Variants in PRX observed in about 807,000 individuals in gnomAD.
PRX encodes the protein periaxin.
Under a neutral mutation model 29.6 loss-of-function variants are expected in PRX, and 24 were observed. The observed-to-expected ratio is 0.81, with a 90% CI of 0.59 to 1.14. PRX has a LOEUF of 1.14. Among genes scored for constraint, PRX ranks in the 50% most tolerant of loss-of-function variants. The pLI, the probability that PRX is intolerant of heterozygous loss-of-function variation, is 0.00. For synonymous variants in PRX, 772 were observed against 831.7 expected (o/e 0.93, Z 1.24); for missense variants, 1,838 against 1,926.4 (o/e 0.95, Z 0.86).
chr19:40,406,465 A>G (rs572094770), intron 4 of PRX, among the ~76,000 whole-genome samples: 1 of 152,202 alleles, frequency 6.6e-6, no homozygotes, highest in South Asian at 2.1e-4. Flanking sequence ...TGACTTGCCT[A>G]ATGCCCTGTA....
chr19:40,397,824 C>T lies in PRX; in HGVS notation c.528G>A (p.Lys176=). 2 of 1,592,384 alleles carry T rather than the reference C, an allele frequency of 1.3e-6. No individual in the cohort carries two copies. The highest frequency in any genetic ancestry group is 1.7e-6 in the Non-Finnish European group (2 of 1,170,538). ...GGGCAGGGGCAGCCGGGACAGGACC[C>T]TTGACAGCCTCGGCTTTGAGGCCCC... ...LRRGLKAEAV[K]GPVPAAPARR... Residue 176 remains lysine (K), a synonymous_variant, in exon 7 of 7, where the codon AAG becomes AAA. Transcript: ENST00000324001.
chr19:40,405,973 G>A (rs1269374454), intron 4 of PRX, among the ~76,000 whole-genome samples: 3 of 150,938 alleles, frequency 2.0e-5, no homozygotes, highest in Non-Finnish European at 3.0e-5. Context: ...CAGGCCAGGC[G>A]CGGTAGCTCA....
Position 40,394,135 on chromosome 19 carries a change from TTC to T in PRX, c.4215_4216del (p.Lys1406ValfsTer81). On this transcript the variant is annotated frameshift_variant, in exon 7 of 7. Coordinates refer to ENST00000324001, the MANE Select transcript of PRX (RefSeq NM_181882.3). LOFTEE classifies it high-confidence loss of function. This position sits in a 1 kb window ranked among gnomAD's most constrained non-coding sequence, Gnocchi z 5.8. Reference sequence around the variant, plus strand: ...CCTGGGGAAGCGGAACTTGGGTGACTTCTCTCTGACGGGGGACTTGGGGGCTG... The same window carrying T: ...CCTGGGGAAGCGGAACTTGGGTGACTTCTCTGACGGGGGACTTGGGGGCTG... The T allele has an allele frequency of 6.3e-7, 1 of 1,599,354 alleles. No individual in the cohort carries two copies. The highest frequency in any genetic ancestry group is 8.5e-7 in the Non-Finnish European group (1 of 1,170,134).
At position 40,397,969 on chromosome 19, in the gene PRX, T is replaced by G; in HGVS notation, c.383A>C (p.Asn128Thr). The G allele has an allele frequency of 6.2e-7, 1 of 1,608,636 alleles. No individual in the cohort carries two copies. The highest frequency in any genetic ancestry group is 8.5e-7 in the Non-Finnish European group (1 of 1,177,782). Residue 128 changes from asparagine to threonine, a missense_variant and splice_region_variant, in exon 7 of 7, where the codon AAC (asparagine) becomes ACC (threonine). Coordinates refer to ENST00000324001, the MANE Select transcript of PRX (RefSeq NM_181882.3). The part of the protein sequence containing the change: ...KGPRAKVAKL[N>T]IQSLSPVKKK... The stretch of plus-strand genomic sequence containing the variant: ...CTTCACAGGGGACAGACTCTGGATG[T>G]TCTGGGGAGAGAGGAGAGAGGCAGG...
Position 40,398,253 on chromosome 19 carries a change from G to A in PRX, c.382-283C>T. 1 of 1,414,682 alleles carries A rather than the reference G, an allele frequency of 7.1e-7. No individual in the cohort carries two copies. Among genetic ancestry groups the A allele is most frequent in the Non-Finnish European group, 9.2e-7 (1 of 1,089,008 alleles). The allele number at this position is 1,414,682 out of a possible 1,614,324, so 87.6% of individuals were successfully genotyped here. A position where few individuals can be genotyped will look rare whatever the true frequency, so the allele number is the denominator to read the frequency against. On this transcript the variant is annotated intron_variant, in intron 6 of 6. Transcript: ENST00000324001. The surrounding 1 kb of genome is among the most constrained non-coding windows in gnomAD (Gnocchi z 6.3). ...TCCCCAACATCCTCATTCTAGAGAT[G>A]GGGAAACTGAGGCCCAGGGAGAGAA...
In PRX at chr19:40,395,098, T is replaced by G. The variant is rs1306829992; in HGVS notation, c.3254A>C (p.Glu1085Ala). 4 of 1,613,606 alleles carry G rather than the reference T, an allele frequency of 2.5e-6. No homozygotes were observed. The highest frequency in any genetic ancestry group is 3.4e-6 in the Non-Finnish European group (4 of 1,179,968). Residue 1085 changes from glutamate (E) to alanine (A), a missense_variant, in exon 7 of 7, where the codon GAA (glutamate) becomes GCA (alanine). By Grantham distance (107) the Glu-to-Ala change is moderately radical. Transcript: ENST00000324001. ...CTGCACAGCGGTGGACTCAGCCTTT[T>G]CCCCCGGGCTGGCACGATCACCTTG... The part of the protein sequence containing the change: ...EVQGDRASPG[E>A]KAESTAVQLK...
Position 40,396,504 on chromosome 19 carries a change from C to G in PRX, c.1848G>C (p.Val616=), listed in dbSNP as rs1278318808. 6.2e-7 allele frequency: 1 copy of G among 1,613,984 alleles called. No homozygotes were observed. Among genetic ancestry groups the G allele is most frequent in the African/African-American group, 1.3e-5 (1 of 75,004 alleles). The stretch of plus-strand genomic sequence containing the variant: ...TTGGAAGCTGCACTTCTGGGAGGTG[C>G]ACATCGGGCACGGCCATCTCGGGCA... ...PKVPEMAVPD[V]HLPEVQLPKV... Residue 616 remains valine (V), a synonymous_variant, in exon 7 of 7, where the codon GTG becomes GTC. Transcript: ENST00000324001.
In PRX at chr19:40,398,801, C is replaced by CT. The variant is rs1385377884; in HGVS notation, c.199dup (p.Ser67LysfsTer84). 1 of 1,613,974 alleles carries CT rather than the reference C, an allele frequency of 6.2e-7. No individual in the cohort carries two copies. Among genetic ancestry groups the CT allele is most frequent in the Non-Finnish European group, 8.5e-7 (1 of 1,179,970 alleles). ...GAAGTTCTCGAAGAACACTCGGGCA[C>CT]TCAGCAGCTGGTCCCCTGCGGGCGA... On this transcript the variant is annotated frameshift_variant, in exon 6 of 7. Transcript: ENST00000324001. LOFTEE classifies it high-confidence loss of function. The surrounding 1 kb of genome is among the most constrained non-coding windows in gnomAD (Gnocchi z 6.3).
chr19:40,399,716 C>A (rs1480678014), intron 5 of PRX, among the ~76,000 whole-genome samples: 1 of 152,116 alleles, frequency 6.6e-6, no homozygotes, highest in Non-Finnish European at 1.5e-5. Context: ...TCCCTGATTT[C>A]TTTCTTTCTT....
chr19:40,412,987 A>G (rs1430868626), intron 1 of PRX, among the ~76,000 whole-genome samples: 1 of 152,138 alleles, frequency 6.6e-6, no homozygotes, highest in African/African-American at 2.4e-5. Context: ...TCAGCCTCCC[A>G]AAGTGCTGGG....
Position 40,396,334 on chromosome 19 carries a change from A to G in PRX, c.2018T>C (p.Met673Thr), listed in dbSNP as rs760571664. ...PEMKLPKMPE[M>T]AVPEVRLPEV... ...GGGGAGTCGAACCTCTGGCACAGCC[A>G]TCTCAGGCATTTTAGGGAGTTTCAT... is the stretch of plus-strand genomic sequence containing the variant. Residue 673 changes from methionine to threonine, a missense_variant, in exon 7 of 7, where the codon ATG (methionine) becomes ACG (threonine). Transcript: ENST00000324001. 21 of 1,609,636 alleles carry G rather than the reference A, an allele frequency of 1.3e-5. No individual in the cohort carries two copies. The East Asian group carries it at 4.7e-4, about 36-fold the overall frequency.
chr19:40,395,825 C>T lies in PRX; in HGVS notation c.2527G>A (p.Gly843Ser), dbSNP rs754395396. The change falls in exon 7 of 7, where the codon GGT (glycine) becomes AGT (serine). Residue 843 changes from glycine to serine, a missense_variant. Physicochemically the swap from Gly to Ser is moderately conservative, Grantham distance 56. Around this residue, in one of 3 missense-constraint regions of PRX, gnomAD observed 1,143 missense variants for 1,193.0 expected, o/e 0.96. Transcript: ENST00000324001. ...GAGGGGACACCCACATGAGCCTCACCATCCACCTCTGGCTGCAGACAGGGA... is the reference window on the plus strand; with the variant it reads ...GAGGGGACACCCACATGAGCCTCACTATCCACCTCTGGCTGCAGACAGGGA... The part of the protein sequence containing the change: ...TLPCLQPEVD[G>S]EAHVGVPSLT... The T allele has an allele frequency of 1.9e-6, 3 of 1,614,214 alleles. No homozygotes were observed. In the South Asian group the frequency reaches 3.3e-5, roughly 18 times the overall value.
rs778475989 is a variant in PRX, at chr19:40,396,550, G to C, written c.1802C>G (p.Pro601Arg). The change falls in exon 7 of 7, where the codon CCT becomes CGT. Residue 601 changes from proline (P) to arginine (R), a missense_variant. Pro to Arg is a moderately radical substitution (Grantham distance 103, BLOSUM62 -2). Coordinates refer to ENST00000324001, the MANE Select transcript of PRX (RefSeq NM_181882.3). The part of the protein sequence containing the change: ...PEMKLPEMKL[P>R]EVQLPKVPEM... ...GGGCACCTTCGGGAGTTGCACTTCA[G>C]GGAGTTTCATCTCAGGAAGTTTCAT... 3.1e-6 allele frequency: 5 copies of C among 1,614,084 alleles called. No homozygotes were observed.
chr19:40,406,733 G>A (rs1338774361), intron 4 of PRX, among the ~76,000 whole-genome samples: 3 of 151,624 alleles, frequency 2.0e-5, no homozygotes, highest in Admixed American at 6.6e-5. Context: ...AATGGCTCAA[G>A]CGGGAGTTCT....
In PRX at chr19:40,398,392, G is replaced by A. The variant is rs1365232803; in HGVS notation, c.381+228C>T. ...ACCCCTAGCAAGCCTGGATCCGATGGTGGGGACGCCTCTCCGAGGTGGGTG... is the reference window on the plus strand; with the variant it reads ...ACCCCTAGCAAGCCTGGATCCGATGATGGGGACGCCTCTCCGAGGTGGGTG... On this transcript the variant is annotated intron_variant, in intron 6 of 6. Transcript: ENST00000324001. The surrounding 1 kb of genome is among the most constrained non-coding windows in gnomAD (Gnocchi z 6.3). The A allele has an allele frequency of 1.3e-5, 19 of 1,454,626 alleles. No homozygotes were observed. The highest frequency in any genetic ancestry group is 1.7e-5 in the Non-Finnish European group (19 of 1,110,782). The allele number at this position is 1,454,626 out of a possible 1,614,324, so 90.1% of individuals were successfully genotyped here.
In PRX at chr19:40,396,093, A is replaced by T; in HGVS notation, c.2259T>A (p.Ile753=). The T allele has an allele frequency of 6.2e-7, 1 of 1,614,096 alleles. No individual in the cohort carries two copies. The highest frequency in any genetic ancestry group is 8.5e-7 in the Non-Finnish European group (1 of 1,180,010). The change falls in exon 7 of 7, where the codon ATT becomes ATA. Residue 753 remains isoleucine, a synonymous_variant. Transcript: ENST00000324001. ...PEVQLPKVSE[I]RLPEMQVPKV... is the part of the protein sequence containing the mutation. ...TCGGCACTTGCATTTCCGGCAGCCG[A>T]ATCTCTGACACTTTCGGCAGCTGCA...
Position 40,397,541 on chromosome 19 carries a change from G to T in PRX, c.811C>A (p.Pro271Thr). 6.5e-7 allele frequency: 1 copy of T among 1,541,962 alleles called. No individual in the cohort carries two copies. The highest frequency in any genetic ancestry group is 8.7e-7 in the Non-Finnish European group (1 of 1,145,448). Residue 271 changes from proline to threonine, a missense_variant, in exon 7 of 7, where the codon CCA becomes ACA. This residue lies in a region of PRX where 666 missense variants were observed against 665.0 expected (regional missense o/e 1.00). Transcript: ENST00000324001. Reference protein sequence around the residue: ...EAAGGFALHLPTLGLGAPAPP... With the variant: ...EAAGGFALHLTTLGLGAPAPP... ...GCCGGGGCTCCGAGCCCAAGGGTTG[G>T]CAGGTGGAGGGCAAAGCCACCAGCT...
chr19:40,394,037 T>A lies in PRX; in HGVS notation c.4315A>T (p.Ser1439Cys), dbSNP rs2079403617. The change falls in exon 7 of 7, where the codon AGC (serine) becomes TGC (cysteine). Residue 1439 changes from serine to cysteine, a missense_variant. Transcript: ENST00000324001. This position sits in a 1 kb window ranked among gnomAD's most constrained non-coding sequence, Gnocchi z 5.8. ...GCCCCTGTCTCTGAAAACCCCACGC[T>A]GGGCAGCCGCACCCGCAATCCACCC... is the stretch of plus-strand genomic sequence containing the variant. ...EEGGLRVRLP[S>C]VGFSETGAPG... 5 of 1,613,160 alleles carry A rather than the reference T, an allele frequency of 3.1e-6. No individual in the cohort carries two copies. In the East Asian group the frequency reaches 1.1e-4, roughly 36 times the overall value.
At chr19:40,408,110 G>T (rs947520853) in intron 3 of PRX, 48 bp downstream of exon 3, 3 of 811,868 alleles carry the variant, frequency 3.7e-6, no homozygotes, top group Admixed American at 2.1e-5. Context: ...AGAAAGCAGG[G>T]TGGGTATTAG....
Sources: gnomAD v4.1 joint callset for allele counts (sites outside exome capture counted in the v4.1 genomes callset) on GRCh38, gnomAD v4.1.1 for gene constraint, gnomAD v4.1.1 regional missense constraint, Gnocchi (gnomAD v3.1) non-coding constraint, MANE v1.5 for transcripts, NCBI Gene and HGNC (gene_info 2026-07-23, HGNC 2026-07-21) for gene names.